JCAD: variants seen among roughly 807,000 people sequenced by gnomAD.
JCAD encodes the protein junctional cadherin 5-associated protein.
In JCAD, 40 loss-of-function variants were observed where a neutral mutation model predicts 98.0. The observed-to-expected ratio is 0.41, with a 90% confidence interval of 0.32 to 0.53. The LOEUF (loss-of-function observed/expected upper bound fraction) is 0.53, where lower values mean the gene tolerates loss of function less well. Ranked by LOEUF, JCAD falls within the 20% of genes least tolerant of loss-of-function variation. JCAD has a pLI of 0.31. For synonymous variants in JCAD, 691 were observed against 682.3 expected (o/e 1.01, Z -0.20); for missense variants, 1,705 against 1,738.1 (o/e 0.98, Z 0.34).
upstream of JCAD, among the ~76,000 whole-genome samples, chr10:30,062,425 G>A (rs1837714307): frequency 6.6e-6 from 1 of 152,188 alleles, no homozygotes. Context: ...ATGAAAAGAT[G>A]GAGAGAGAAG....
Position 30,027,800 on chromosome 10 carries a change from T to C in JCAD, c.2348A>G (p.Gln783Arg), listed in dbSNP as rs777950743. 1 of 1,614,266 alleles carries C rather than the reference T, an allele frequency of 6.2e-7. No individual in the cohort carries two copies. Among genetic ancestry groups the C allele is most frequent in the Admixed American group, 1.7e-5 (1 of 60,034 alleles). The change falls in exon 3 of 4, where the codon CAG (glutamine) becomes CGG (arginine). Residue 783 changes from glutamine to arginine, a missense_variant. Coordinates refer to ENST00000375377, the MANE Select transcript of JCAD (RefSeq NM_020848.4). ...QAPTPKAGRS[Q>R]PCVDVHGLGA... ...AAGCCCGTGGACATCCACGCAGGGC[T>C]GACTTCGGCCTGCTTTTGGCGTCGG... is the stretch of plus-strand genomic sequence containing the variant.
At chr10:30,069,164 A>C (rs747032909) in intron 2 of JCAD, among the ~76,000 whole-genome samples, 1 of 152,138 alleles carries the variant, frequency 6.6e-6, no homozygotes, top group Non-Finnish European at 1.5e-5. Flanking sequence ...ATGTCTGTTG[A>C]ATAGAATTTT....
chr10:30,099,405 A>T (rs893456182), intron 1 of JCAD, among the ~76,000 whole-genome samples: 1 of 152,116 alleles, frequency 6.6e-6, no homozygotes, highest in African/African-American at 2.4e-5. Flanking sequence ...TGAGTTTCTT[A>T]TCTAGTTAAA....
rs1836874117 is a variant in JCAD, at chr10:30,027,993, T to C, written c.2155A>G (p.Ser719Gly). ...KLGGPSRAAL[S>G]PKCSDPAASE... ...GCAGCAGGGTCTGAACATTTTGGAC[T>C]CAATGCTGCACGACTCGGCCCTCCC... is the stretch of plus-strand genomic sequence containing the variant. The change falls in exon 3 of 4, where the codon AGT becomes GGT. Residue 719 changes from serine to glycine, a missense_variant. Around this residue, in one of 3 missense-constraint regions of JCAD, gnomAD observed 1,278 missense variants for 1,243.1 expected, o/e 1.03. Coordinates refer to ENST00000375377, the MANE Select transcript of JCAD (RefSeq NM_020848.4). 6 of 1,614,236 alleles carry C rather than the reference T, an allele frequency of 3.7e-6. No individual in the cohort carries two copies. The East Asian group carries it at 1.3e-4, about 36-fold the overall frequency.
At chr10:30,019,717 A>G (rs968563597) in intron 3 of JCAD, among the ~76,000 whole-genome samples, 3 of 152,150 alleles carry the variant, frequency 2.0e-5, no homozygotes, top group Non-Finnish European at 4.4e-5. Flanking sequence ...TTTAGTTACT[A>G]ATGCCATCAT....
intron 1 of JCAD, among the ~76,000 whole-genome samples, chr10:30,058,847 C>T (rs1477285648): frequency 6.6e-6 from 1 of 152,182 alleles, no homozygotes; most frequent in Non-Finnish European, 1.5e-5. Flanking sequence ...CGGGCGGCCC[C>T]GGGCACTCGC....
Position 30,016,425 on chromosome 10 carries a change from A to G in JCAD, c.*1458T>C, listed in dbSNP as rs1306160701. On this transcript the variant is annotated 3_prime_UTR_variant, in exon 4 of 4. Coordinates refer to ENST00000375377, the MANE Select transcript of JCAD (RefSeq NM_020848.4). Reference sequence around the variant, plus strand: ...GGGAGGGAGGGAGGGAGGGAGGGGAAATGATTTAGGGAATGTTAGTTGTCA... The same window carrying G: ...GGGAGGGAGGGAGGGAGGGAGGGGAGATGATTTAGGGAATGTTAGTTGTCA... 6.6e-6 allele frequency: 1 copy of G among 151,758 alleles called. No homozygotes were observed. The highest frequency in any genetic ancestry group is 2.4e-5 in the African/African-American group (1 of 41,286). 9.4% of individuals were successfully genotyped at this position (151,758 alleles called of 1,614,324 possible).
In JCAD at chr10:30,027,281, T is replaced by C. The variant is rs1676520399; in HGVS notation, c.2867A>G (p.Lys956Arg). Residue 956 changes from lysine to arginine, a missense_variant, in exon 3 of 4, where the codon AAG becomes AGG. Lys to Arg is a conservative substitution (Grantham distance 26). This residue lies in a region of JCAD where 1,278 missense variants were observed against 1,243.1 expected (regional missense o/e 1.03). Coordinates refer to ENST00000375377, the MANE Select transcript of JCAD (RefSeq NM_020848.4). ...CSADGSTSAEKRHLEVSNGMD... is the reference protein window; with the variant it reads ...CSADGSTSAERRHLEVSNGMD... ...TCCGTTGCTAACCTCCAGGTGTCTC[T>C]TCTCTGCACTCGTGCTTCCATCTGC... 1 of 1,614,060 alleles carries C rather than the reference T, an allele frequency of 6.2e-7. No individual in the cohort carries two copies. Among genetic ancestry groups the C allele is most frequent in the Admixed American group, 1.7e-5 (1 of 60,014 alleles).
At position 30,026,150 on chromosome 10, in the gene JCAD, G is replaced by A. The variant is rs775020796; in HGVS notation, c.3998C>T (p.Pro1333Leu). The A allele has an allele frequency of 4.3e-6, 7 of 1,614,158 alleles. No individual in the cohort carries two copies. Among genetic ancestry groups the A allele is most frequent in the African/African-American group, 1.3e-5 (1 of 75,050 alleles). The part of the protein sequence containing the change: ...DSISREEKEH[P>L]AAQKEKSMDQ... ...CATGCTCTTCTCCTTTTGTGCTGCC[G>A]GATGCTCCTTCTCTTCCCTGGAGAT... Residue 1333 changes from proline to leucine, a missense_variant, in exon 3 of 4, where the codon CCG becomes CTG. By Grantham distance (98) the Pro-to-Leu change is moderately conservative. This residue lies in a region of JCAD where 1,278 missense variants were observed against 1,243.1 expected (regional missense o/e 1.03). Coordinates refer to ENST00000375377, the MANE Select transcript of JCAD (RefSeq NM_020848.4).
At chr10:30,021,593 A>G (rs1836660685) in intron 3 of JCAD, among the ~76,000 whole-genome samples, 1 of 152,218 alleles carries the variant, frequency 6.6e-6, no homozygotes, top group Non-Finnish European at 1.5e-5. Context: ...TCAAAATATC[A>G]TTTCAATATG....
At position 30,113,548 on chromosome 10, in the gene JCAD, CAAAAAAAAAAAAAAAA is replaced by C. The variant is rs71023545; in HGVS notation, n.128+1803_128+1818del. ...CCTGGGCGACAGAGCGAGACACTGT[CAAAAAAAAAAAAAAAA>C]AAAAAAAAAAAAAGCCTCCCAGCAG... On this transcript the variant is annotated intron_variant and non_coding_transcript_variant, in intron 1 of 2. Coordinates refer to the JCAD transcript ENST00000465712. 3.1e-4 allele frequency among the ~76,000 whole-genome samples: 5 copies of C among 15,968 alleles called. 1 individual carries two copies. Among genetic ancestry groups the C allele is most frequent in the South Asian group, 9.8e-3 (2 of 204 alleles). The allele number at this position is 15,968 out of a possible 152,430, so 10.5% of individuals were successfully genotyped here.
chr10:30,056,329 C>T (rs183038101), intron 1 of JCAD, among the ~76,000 whole-genome samples: 42 of 152,248 alleles, frequency 2.8e-4, no homozygotes, highest in African/African-American at 9.4e-4. Flanking sequence ...TTCATATGAT[C>T]TTTACATTTC....
At chr10:30,057,370 C>T (rs894451966) in intron 1 of JCAD, among the ~76,000 whole-genome samples, 72 of 152,232 alleles carry the variant, frequency 4.7e-4, no homozygotes, top group African/African-American at 1.5e-3. Context: ...AGAATCTTTT[C>T]ATATTTACTT....
chr10:30,038,702 A>AAAAAG lies in JCAD; in HGVS notation c.281+8829_281+8830insCTTTT, dbSNP rs1554796973. 2.9e-3 allele frequency among the ~76,000 whole-genome samples: 437 copies of AAAAAG among 150,648 alleles called. 3 individuals are homozygous for AAAAAG. The highest frequency in any genetic ancestry group is 0.01 in the African/African-American group (416 of 40,912). On this transcript the variant is annotated intron_variant, in intron 2 of 3. Coordinates refer to ENST00000375377, the MANE Select transcript of JCAD (RefSeq NM_020848.4). ...CTGTCTCAAAATAAAAAAAAAAAAA[A>AAAAAG]AAAGAAAGAAAGAAAAGAAAAGAGA...
intron 1 of JCAD, among the ~76,000 whole-genome samples, chr10:30,112,437 T>C (rs1838719296): frequency 6.6e-6 from 1 of 152,192 alleles, no homozygotes; most frequent in Non-Finnish European, 1.5e-5. Flanking sequence ...GAGCTATGAT[T>C]GTGCCACTGC....
chr10:30,024,626 C>T (rs1836742831), intron 3 of JCAD, among the ~76,000 whole-genome samples: 1 of 151,492 alleles, frequency 6.6e-6, no homozygotes, highest in African/African-American at 2.4e-5. Context: ...AGAGAAGCAA[C>T]ACTGGCTAAC....
chr10:30,076,766 C>G (rs892340824), intron 1 of JCAD, among the ~76,000 whole-genome samples: 9 of 152,180 alleles, frequency 5.9e-5, no homozygotes, highest in African/African-American at 2.2e-4. Flanking sequence ...CAGCAGACAG[C>G]CTGTTACCTT....
At chr10:30,103,754 C>G (rs1434261137) in intron 1 of JCAD, among the ~76,000 whole-genome samples, 2 of 118,094 alleles carry the variant, frequency 1.7e-5, no homozygotes, top group Non-Finnish European at 3.4e-5. Context: ...TTTTTTTGGA[C>G]AGAGTTTTGT....
rs1564442693 is a variant in JCAD at position 30,027,490 on chromosome 10, C to CG, written c.2657dup (p.Glu887GlyfsTer5). On this transcript the variant is annotated frameshift_variant, in exon 3 of 4. Coordinates refer to ENST00000375377, the MANE Select transcript of JCAD (RefSeq NM_020848.4). LOFTEE classifies it high-confidence loss of function. ...TCGGCTGTGGCTCAACCCTCATTTC[C>CG]GGGCTGTTTCCGCGGAAGCCCACAT... 6.2e-7 allele frequency: 1 copy of CG among 1,608,112 alleles called. No homozygotes were observed. The highest frequency in any genetic ancestry group is 1.7e-5 in the Admixed American group (1 of 60,024).
Sources: gnomAD v4.1 joint callset for allele counts (sites outside exome capture counted in the v4.1 genomes callset) on GRCh38, gnomAD v4.1.1 for gene constraint, gnomAD v4.1.1 regional missense constraint, MANE v1.5 for transcripts, NCBI Gene and HGNC (gene_info 2026-07-23, HGNC 2026-07-21) for gene names.